Variants in RIMS2 observed in about 807,000 individuals in gnomAD.
RIMS2 encodes regulating synaptic membrane exocytosis protein 2.
Under a neutral mutation model 174.4 loss-of-function variants are expected in RIMS2, and 59 were observed. That is an observed-to-expected ratio of 0.34 (90% confidence interval 0.27 to 0.42). The LOEUF is 0.42. Among genes scored for constraint, RIMS2 ranks in the 10% least tolerant of loss-of-function variants. The probability of loss-of-function intolerance (pLI) is 1.00; values close to 1 mark genes in which losing one functional copy is unlikely to be tolerated. For missense variants in RIMS2, 1,620 were observed against 1,666.3 expected, an observed-to-expected ratio of 0.97 and a Z score of 0.48; for synonymous variants, 606 against 572.5, an observed-to-expected ratio of 1.06 and a Z score of -0.84.
chr8:103,894,377 T>C (rs2099265342), intron 4 of RIMS2, among the ~76,000 whole-genome samples: 1 of 151,584 alleles, frequency 6.6e-6, no homozygotes, highest in African/African-American at 2.4e-5. Context: ...CAAAGAAACC[T>C]CCGTATTTCA....
chr8:103,788,928 G>A lies in RIMS2; in HGVS notation c.698+22391G>A, dbSNP rs560976119. Among the ~76,000 whole-genome samples the A allele has an allele frequency of 5.3e-4, 80 of 152,346 alleles. 2 individuals carry two copies. The highest frequency in any genetic ancestry group is 1.0e-3 in the South Asian group (5 of 4,830). ...CTGTGCTAGCAATCAGCGAGACTCCGTGGGCGTTGGACCCTCTGAGCCAGG... is the reference window on the plus strand; with the variant it reads ...CTGTGCTAGCAATCAGCGAGACTCCATGGGCGTTGGACCCTCTGAGCCAGG... On this transcript the variant is annotated intron_variant, in intron 3 of 23. Transcript: ENST00000504942.
At chr8:103,796,429 T>A (rs1409050192) in intron 3 of RIMS2, among the ~76,000 whole-genome samples, 1 of 152,168 alleles carries the variant, frequency 6.6e-6, no homozygotes, top group East Asian at 1.9e-4. Context: ...ATACCAAAAT[T>A]AGAGGTAGAT....
At chr8:104,254,116 C>T (rs1487059764), downstream of RIMS2, 1 of 152,066 alleles carries the variant, frequency 6.6e-6, no homozygotes, top group Non-Finnish European at 1.5e-5. Context: ...TATTCCTATA[C>T]AAATTATTTC....
At chr8:103,736,730 T>C (rs1472618615) in intron 2 of RIMS2, among the ~76,000 whole-genome samples, 1 of 152,182 alleles carries the variant, frequency 6.6e-6, no homozygotes, top group Non-Finnish European at 1.5e-5. Flanking sequence ...TGGGAGGACT[T>C]TAGGGATTCT....
chr8:103,602,536 T>G (rs1484634937), intron 1 of RIMS2, among the ~76,000 whole-genome samples: 3 of 152,214 alleles, frequency 2.0e-5, no homozygotes, highest in Admixed American at 2.0e-4. Flanking sequence ...TAGCTCCCAC[T>G]TACAAGTGAG....
At chr8:103,853,653 T>C (rs1233741185) in intron 3 of RIMS2, among the ~76,000 whole-genome samples, 1 of 152,116 alleles carries the variant, frequency 6.6e-6, no homozygotes, top group Non-Finnish European at 1.5e-5. Context: ...CATTACCCAT[T>C]GATTGTTTTT....
At chr8:103,980,953 C>T (rs563544753) in intron 16 of RIMS2, among the ~76,000 whole-genome samples, 1 of 152,158 alleles carries the variant, frequency 6.6e-6, no homozygotes, top group African/African-American at 2.4e-5. Flanking sequence ...TGACCCCAAT[C>T]CCTAGCTCCC....
chr8:103,782,577 T>C (rs1369484111), intron 3 of RIMS2, among the ~76,000 whole-genome samples: 1 of 152,146 alleles, frequency 6.6e-6, no homozygotes, highest in African/African-American at 2.4e-5. Flanking sequence ...GTCATTGCGA[T>C]ATGACCCACT....
chr8:103,700,741 T>A (rs1430294300), intron 2 of RIMS2, among the ~76,000 whole-genome samples: 2 of 152,026 alleles, frequency 1.3e-5, no homozygotes, highest in African/African-American at 4.8e-5. Context: ...ACTGAAGTAT[T>A]TTTATGATTC....
chr8:104,105,570 TA>T (rs557395194), intron 19 of RIMS2, among the ~76,000 whole-genome samples: 118 of 148,646 alleles, frequency 7.9e-4, no homozygotes, highest in African/African-American at 1.0e-3. Flanking sequence ...CAGTGTTAAT[TA>T]AAAAAAAAAG....
At chr8:104,029,675 A>G (rs989209228) in intron 19 of RIMS2, among the ~76,000 whole-genome samples, 8 of 152,040 alleles carry the variant, frequency 5.3e-5, no homozygotes, top group African/African-American at 1.9e-4. Flanking sequence ...TAGGCTGACT[A>G]TTTTTAAAAC....
At chr8:104,104,898 AG>A (rs2098010212) in intron 19 of RIMS2, among the ~76,000 whole-genome samples, 1 of 150,814 alleles carries the variant, frequency 6.6e-6, no homozygotes, top group South Asian at 2.1e-4. Flanking sequence ...AAAAAAAAAG[AG>A]AGAACATGTT....
intron 19 of RIMS2, among the ~76,000 whole-genome samples, chr8:104,201,963 A>G (rs2099057064): frequency 2.6e-5 from 4 of 152,198 alleles, no homozygotes; most frequent in African/African-American, 9.6e-5. Context: ...GAGTTGAAGT[A>G]TGCCTGTTGG....
intron 3 of RIMS2, among the ~76,000 whole-genome samples, chr8:103,869,603 A>G (rs117000433): frequency 0.16 from 24,149 of 152,064 alleles, 2,026 homozygotes; most frequent in Middle Eastern, 0.24. Context: ...GATTACAGGC[A>G]TGAGCCACCA....
intron 19 of RIMS2, among the ~76,000 whole-genome samples, chr8:104,086,691 C>A (rs1027332034): frequency 1.6e-4 from 25 of 152,062 alleles, no homozygotes; most frequent in Non-Finnish European, 4.4e-5. Flanking sequence ...CTTCGACTAC[C>A]GCTTTTTACT....
At chr8:104,093,762 G>T in intron 19 of RIMS2, 119 bp downstream of exon 24, 1 of 709,974 alleles carries the variant, frequency 1.4e-6, no homozygotes, top group Non-Finnish European at 2.2e-6. Flanking sequence ...AGCCAGGGGA[G>T]CTTAACTTCA....
chr8:103,604,337 T>C (rs1181465498), intron 1 of RIMS2, among the ~76,000 whole-genome samples: 1 of 151,982 alleles, frequency 6.6e-6, no homozygotes, highest in African/African-American at 2.4e-5. Context: ...CTGAGGGCTC[T>C]GTTCTGTTCC....
chr8:104,171,501 G>GTT (rs1186312495), intron 19 of RIMS2, among the ~76,000 whole-genome samples: 4 of 53,926 alleles, frequency 7.4e-5, no homozygotes, highest in Non-Finnish European at 1.3e-4. Flanking sequence ...GATTTTTTTT[G>GTT]TTATATATAT....
intron 1 of RIMS2, among the ~76,000 whole-genome samples, chr8:103,610,113 C>T (rs965933083): frequency 6.6e-6 from 1 of 152,064 alleles, no homozygotes; most frequent in African/African-American, 2.4e-5. Context: ...GAACTGCATT[C>T]TTAATTTGGC....
Sources: gnomAD v4.1 joint callset for allele counts (sites outside exome capture counted in the v4.1 genomes callset) on GRCh38, gnomAD v4.1.1 for gene constraint, MANE v1.5 for transcripts, NCBI Gene and HGNC (gene_info 2026-07-23, HGNC 2026-07-21) for gene names.